Variants in WDFY4 observed in about 807,000 individuals in gnomAD.
The protein encoded by WDFY4 is WD repeat- and FYVE domain-containing protein 4.
In WDFY4, 169 loss-of-function variants were observed where a neutral mutation model predicts 351.9. The ratio of observed to expected loss-of-function variants is 0.48; its 90% CI spans 0.42 to 0.55. The LOEUF (loss-of-function observed/expected upper bound fraction) is 0.55. WDFY4 is among the 20% of genes least tolerant of loss of function. The pLI is 0.00. For missense variants in WDFY4, 3,803 were observed against 3,935.6 expected (o/e 0.97, Z 0.90); for synonymous variants, 1,622 against 1,574.6 (o/e 1.03, Z -0.71).
In WDFY4 at chr10:48,760,358, G is replaced by C; in HGVS notation, c.2471G>C (p.Gly824Ala). 1 of 1,551,600 alleles carries C rather than the reference G, an allele frequency of 6.4e-7. No individual in the cohort carries two copies. The highest frequency in any genetic ancestry group is 8.7e-7 in the Non-Finnish European group (1 of 1,146,970). Residue 824 changes from glycine to alanine, a missense_variant, in exon 13 of 62, where the codon GGA becomes GCA. Around this residue, in one of 3 missense-constraint regions of WDFY4, gnomAD observed 3,054 missense variants for 3,148.6 expected, o/e 0.97. Coordinates refer to ENST00000325239, the MANE Select transcript of WDFY4 (RefSeq NM_001394531.1). ...CCCTCTCTCTGCAGGATGGATGAGG[G>C]AGATGCTGCAATCATGCATCCCGGG... is the stretch of plus-strand genomic sequence containing the variant. ...WPDLEERMDE[G>A]DAAIMHPGVV...
intron 39 of WDFY4, among the ~76,000 whole-genome samples, chr10:48,854,247 T>C (rs957773558): frequency 2.0e-5 from 3 of 152,092 alleles, no homozygotes; most frequent in South Asian, 4.2e-4. Context: ...TAGCTGGGAC[T>C]ACAGGTGTAC....
intron 47 of WDFY4, chr10:48,910,910 T>G (rs766565040): frequency 2.2e-5 from 22 of 985,172 alleles, no homozygotes; most frequent in South Asian, 1.4e-4. Flanking sequence ...GATGTTTCTC[T>G]TAACTTCTCT....
At chr10:48,820,912 G>A (rs1589688370) in intron 33 of WDFY4, 150 bp from the exon 34 acceptor site, 7 of 632,816 alleles carry the variant, frequency 1.1e-5, no homozygotes, top group South Asian at 1.8e-5. Context: ...CAGTCACAGA[G>A]GGTGGGCCCC....
intron 39 of WDFY4, among the ~76,000 whole-genome samples, chr10:48,839,296 G>C (rs1299072083): frequency 6.6e-6 from 1 of 152,222 alleles, no homozygotes; most frequent in Admixed American, 6.5e-5. Flanking sequence ...CTGAAAAAGA[G>C]TTAAAGATCT....
chr10:48,707,118 T>C (rs2063652459), intron 1 of WDFY4, among the ~76,000 whole-genome samples: 1 of 151,800 alleles, frequency 6.6e-6, no homozygotes, highest in Admixed American at 6.6e-5. Flanking sequence ...AGGTTATGAG[T>C]AGTGAATTCA....
intron 44 of WDFY4, among the ~76,000 whole-genome samples, chr10:48,891,110 A>T (rs2070678523): frequency 6.6e-6 from 1 of 152,248 alleles, no homozygotes; most frequent in Non-Finnish European, 1.5e-5. Context: ...GACTTAATGC[A>T]ATCGGCAGCA....
intron 40 of WDFY4, among the ~76,000 whole-genome samples, chr10:48,868,147 A>G (rs2069621198): frequency 6.6e-6 from 1 of 152,188 alleles, no homozygotes; most frequent in Non-Finnish European, 1.5e-5. Context: ...GGCACTAATC[A>G]TCTGAAACTG....
intron 47 of WDFY4, among the ~76,000 whole-genome samples, chr10:48,927,372 G>T (rs1248679067): frequency 1.3e-5 from 2 of 152,172 alleles, no homozygotes; most frequent in African/African-American, 4.8e-5. Flanking sequence ...TATTGTGGGT[G>T]GTGGGGGGAG....
At chr10:48,921,941 A>G (rs1380619024) in intron 47 of WDFY4, among the ~76,000 whole-genome samples, 3 of 152,202 alleles carry the variant, frequency 2.0e-5, no homozygotes, top group Non-Finnish European at 4.4e-5. Flanking sequence ...TAGTTATTAT[A>G]TCATCTGGCA....
intron 51 of WDFY4, among the ~76,000 whole-genome samples, chr10:48,953,333 T>TCTCTCTCACACACACA (rs771339557): frequency 4.1e-3 from 525 of 128,214 alleles, no homozygotes; most frequent in Non-Finnish European, 6.4e-3. Flanking sequence ...TCTCTCTCTC[T>TCTCTCTCACACACACA]CACACACACA....
intron 47 of WDFY4, among the ~76,000 whole-genome samples, chr10:48,919,703 C>T (rs373411574): frequency 2.6e-5 from 4 of 152,154 alleles, no homozygotes; most frequent in African/African-American, 9.7e-5. Flanking sequence ...GGCATAAATT[C>T]CATTTATGAA....
chr10:48,896,686 C>G (rs1300510022), intron 44 of WDFY4, among the ~76,000 whole-genome samples: 3 of 152,148 alleles, frequency 2.0e-5, no homozygotes, highest in African/African-American at 7.2e-5. Context: ...TGGTGCCTGA[C>G]CCCTCCTAAC....
At chr10:48,846,487 G>T (rs1019723719) in intron 39 of WDFY4, among the ~76,000 whole-genome samples, 1 of 152,156 alleles carries the variant, frequency 6.6e-6, no homozygotes, top group Non-Finnish European at 1.5e-5. Flanking sequence ...GAAGGCCTTC[G>T]GGTTTGCACA....
At chr10:48,973,621 C>T (rs916766587) in intron 57 of WDFY4, among the ~76,000 whole-genome samples, 2 of 152,246 alleles carry the variant, frequency 1.3e-5, no homozygotes, top group African/African-American at 4.8e-5. Context: ...CAGGTGATGG[C>T]AAGCACATGT....
Position 48,869,480 on chromosome 10 carries a change from C to G in WDFY4, c.6741+2138C>G, listed in dbSNP as rs552082553. 2.0e-5 allele frequency among the ~76,000 whole-genome samples: 3 copies of G among 152,282 alleles called. No homozygotes were observed. In the East Asian group the frequency reaches 5.8e-4, roughly 29 times the overall value. On this transcript the variant is annotated intron_variant, in intron 40 of 61. Transcript: ENST00000325239. ...CTAGTGCCCTGGAAGTTAACCCAAG[C>G]ATCATTATATCCCATTATTATATCA...
At chr10:48,912,359 CT>C (rs1177639244) in intron 47 of WDFY4, among the ~76,000 whole-genome samples, 1 of 152,238 alleles carries the variant, frequency 6.6e-6, no homozygotes, top group African/African-American at 2.4e-5. Flanking sequence ...ATTATTCCCA[CT>C]TCACGAGTGA....
intron 47 of WDFY4, among the ~76,000 whole-genome samples, chr10:48,914,579 C>T (rs1394517912): frequency 6.6e-6 from 1 of 152,162 alleles, no homozygotes; most frequent in East Asian, 1.9e-4. Flanking sequence ...ATATCTGCCC[C>T]TTCCTAGACC....
At chr10:48,880,104 C>A (rs943176172) in intron 43 of WDFY4, among the ~76,000 whole-genome samples, 2 of 152,198 alleles carry the variant, frequency 1.3e-5, no homozygotes, top group South Asian at 4.1e-4. Flanking sequence ...CTGCTGCCCC[C>A]CAGGGCAGGT....
intron 47 of WDFY4, among the ~76,000 whole-genome samples, chr10:48,937,564 T>C (rs1160912762): frequency 6.6e-6 from 1 of 152,198 alleles, no homozygotes; most frequent in Non-Finnish European, 1.5e-5. Flanking sequence ...TTAATGGAAA[T>C]TATGGTAACC....
Sources: allele counts gnomAD v4.1 joint callset (sites outside exome capture counted in the v4.1 genomes callset), GRCh38; gene constraint gnomAD v4.1.1; regional missense constraint gnomAD v4.1.1; transcripts MANE v1.5; gene names NCBI Gene and HGNC (gene_info 2026-07-23, HGNC 2026-07-21).